The following CSMD3 variants were observed in gnomAD, a reference collection of about 807,000 sequenced individuals.
CSMD3 encodes the protein CUB and Sushi multiple domains 3, also known as CUB and sushi domain-containing protein 3.
Under a neutral mutation model 435.2 loss-of-function variants are expected in CSMD3, and 177 were observed. That is an observed-to-expected ratio of 0.41 (90% CI 0.36 to 0.46). The LOEUF (loss-of-function observed/expected upper bound fraction) is 0.46. Ranked by LOEUF, CSMD3 falls within the 20% of genes least tolerant of loss-of-function variation. CSMD3 has a pLI of 0.34. For synonymous variants in CSMD3, 1,656 were observed against 1,520.5 expected (o/e 1.09, Z -2.07); for missense variants, 4,265 against 4,504.6 (o/e 0.95, Z 1.52).
chr8:112,704,650 C>CCT (rs377167995), intron 13 of CSMD3, among the ~76,000 whole-genome samples: 70 of 150,558 alleles, frequency 4.6e-4, no homozygotes, highest in African/African-American at 1.3e-3. Context: ...GTAGCTCCAT[C>CCT]CTCTCTCTCT....
chr8:112,698,196 TCTCA>T (rs1248761415), intron 13 of CSMD3, among the ~76,000 whole-genome samples: 1 of 151,936 alleles, frequency 6.6e-6, no homozygotes, highest in African/African-American at 2.4e-5. Context: ...CAGACAGACT[TCTCA>T]CTAACAAAAA....
chr8:112,476,787 T>G (rs1324065597), intron 31 of CSMD3, among the ~76,000 whole-genome samples: 2 of 152,162 alleles, frequency 1.3e-5, no homozygotes, highest in Non-Finnish European at 2.9e-5. Flanking sequence ...CAACAAAGAA[T>G]CAATTTGTTG....
intron 69 of CSMD3, among the ~76,000 whole-genome samples, chr8:112,229,173 G>GTA (rs1312526922): frequency 2.0e-5 from 3 of 152,148 alleles, no homozygotes; most frequent in Non-Finnish European, 4.4e-5. Context: ...TATAATAAGT[G>GTA]TGTATATCAA....
At chr8:112,748,065 A>G (rs1315316803) in intron 13 of CSMD3, among the ~76,000 whole-genome samples, 1 of 151,718 alleles carries the variant, frequency 6.6e-6, no homozygotes, top group Non-Finnish European at 1.5e-5. Flanking sequence ...ACAGGAAAAG[A>G]CTGTTTCCCA....
intron 32 of CSMD3, among the ~76,000 whole-genome samples, chr8:112,417,518 A>T (rs998956407): frequency 6.6e-6 from 1 of 152,172 alleles, no homozygotes; most frequent in Admixed American, 6.6e-5. Flanking sequence ...AATTTAATTG[A>T]ACTTTTATGT....
chr8:112,750,761 A>G (rs974898626), intron 13 of CSMD3, among the ~76,000 whole-genome samples: 1 of 152,108 alleles, frequency 6.6e-6, no homozygotes, highest in African/African-American at 2.4e-5. Context: ...AATTCCTGCT[A>G]TTACAAATAC....
chr8:112,953,619 T>A (rs2083905205), intron 8 of CSMD3, among the ~76,000 whole-genome samples: 1 of 151,410 alleles, frequency 6.6e-6, no homozygotes, highest in African/African-American at 2.4e-5. Flanking sequence ...ATTTGAAAAT[T>A]ATGACACCAT....
chr8:112,246,446 A>T (rs1426704536), intron 64 of CSMD3, among the ~76,000 whole-genome samples: 1 of 152,204 alleles, frequency 6.6e-6, no homozygotes, highest in Non-Finnish European at 1.5e-5. Flanking sequence ...GCTAGAATTC[A>T]TTTCTAATTG....
intron 58 of CSMD3, among the ~76,000 whole-genome samples, chr8:112,282,107 T>G (rs1818712757): frequency 6.6e-6 from 1 of 152,096 alleles, no homozygotes; most frequent in South Asian, 2.1e-4. Context: ...CAGAAGGCAT[T>G]TTAGTACCTT....
Position 112,552,581 on chromosome 8 carries a change from G to T in CSMD3, c.4361+13C>A, listed in dbSNP as rs114952826. 2,875 of 1,609,978 alleles carry T rather than the reference G, an allele frequency of 1.8e-3. 51 individuals carry two copies. The African/African-American group carries it at 0.034, about 19-fold the overall frequency. On this transcript the variant is annotated intron_variant, in intron 26 of 70. Coordinates refer to ENST00000297405, the MANE Select transcript of CSMD3 (RefSeq NM_198123.2). ...GATTCCCTAGTAATGTTGAGAAAATGAAATTCATTTACCTGACAATATTTC... is the reference window on the plus strand; with the variant it reads ...GATTCCCTAGTAATGTTGAGAAAATTAAATTCATTTACCTGACAATATTTC...
chr8:112,299,205 T>C (rs957675282), intron 53 of CSMD3, among the ~76,000 whole-genome samples: 1 of 151,792 alleles, frequency 6.6e-6, no homozygotes, highest in African/African-American at 2.4e-5. Flanking sequence ...AGGAGGAGAG[T>C]TGCACAGTGA....
intron 37 of CSMD3, among the ~76,000 whole-genome samples, 196 bp from the exon 38 acceptor site, chr8:112,380,652 A>T (rs1269828152): frequency 6.6e-6 from 1 of 152,184 alleles, no homozygotes; most frequent in Non-Finnish European, 1.5e-5. Context: ...AAGAAGACAG[A>T]CCACCTGAGA....
At chr8:112,414,389 C>T (rs913234933) in intron 32 of CSMD3, among the ~76,000 whole-genome samples, 97 of 152,150 alleles carry the variant, frequency 6.4e-4, no homozygotes, top group African/African-American at 2.2e-3. Context: ...CCTGCTGGCT[C>T]ACCCTGTGTC....
chr8:113,085,012 C>T (rs921702511), intron 5 of CSMD3, among the ~76,000 whole-genome samples: 19 of 151,832 alleles, frequency 1.3e-4, no homozygotes, highest in Non-Finnish European at 2.2e-4. Flanking sequence ...AACTATAAAA[C>T]TACTAGAAGA....
intron 6 of CSMD3, among the ~76,000 whole-genome samples, chr8:112,992,171 C>T (rs565296771): frequency 1.3e-4 from 20 of 151,530 alleles, no homozygotes; most frequent in African/African-American, 4.4e-4. Flanking sequence ...AATATGTCTT[C>T]GTTCCTTCCT....
chr8:112,599,103 T>A, intron 22 of CSMD3, among the ~76,000 whole-genome samples: 4 of 146,214 alleles, frequency 2.7e-5, no homozygotes, highest in African/African-American at 2.5e-5. Context: ...TGGGAGAAAA[T>A]TTTCGCAACC....
In CSMD3 at chr8:112,685,269, A is replaced by G. The variant is rs563343654; in HGVS notation, c.2482+137T>C. 36 of 669,778 alleles carry G rather than the reference A, an allele frequency of 5.4e-5. No individual in the cohort carries two copies. In the South Asian group the frequency reaches 5.9e-4, roughly 11 times the overall value. The allele number at this position is 669,778 out of a possible 1,614,324, so 41.5% of individuals were successfully genotyped here. ...ATTGGAAATGAAGGAAGAAATGACC[A>G]TCCTTGGCACAATGAGATTTACAGC... On this transcript the variant is annotated intron_variant, in intron 15 of 70. Transcript: ENST00000297405.
At chr8:112,576,156 A>C (rs1829925703) in intron 23 of CSMD3, among the ~76,000 whole-genome samples, 1 of 152,134 alleles carries the variant, frequency 6.6e-6, no homozygotes, top group East Asian at 1.9e-4. Context: ...ATAAAGGGAG[A>C]ATATAAATGG....
intron 11 of CSMD3, among the ~76,000 whole-genome samples, chr8:112,857,411 G>T (rs964402311): frequency 6.6e-6 from 1 of 151,656 alleles, no homozygotes; most frequent in African/African-American, 2.4e-5. Flanking sequence ...ATGATTTAAA[G>T]TTAGCAAAGC....
Sources: gnomAD v4.1 joint callset for allele counts (sites outside exome capture counted in the v4.1 genomes callset) on GRCh38, gnomAD v4.1.1 for gene constraint, MANE v1.5 for transcripts, NCBI Gene and HGNC (gene_info 2026-07-23, HGNC 2026-07-21) for gene names.